The following DMD variants were observed in gnomAD, a reference collection of about 807,000 sequenced individuals.
DMD encodes the protein dystrophin.
Under a neutral mutation model 330.1 loss-of-function variants are expected in DMD, and 63 were observed. That is an observed-to-expected ratio of 0.19 (90% CI 0.16 to 0.24). DMD has a LOEUF of 0.24. DMD is among the 10% of genes least tolerant of loss of function. The pLI, the probability that DMD is intolerant of heterozygous loss-of-function variation, is 1.00. For synonymous variants in DMD, 1,223 were observed against 959.8 expected (o/e 1.27, Z -5.07); for missense variants, 3,344 against 2,684.1 (o/e 1.25, Z -5.43).
At chrX:31,235,426 C>T (rs1342339605) in intron 63 of DMD, among the ~76,000 whole-genome samples, 1 of 111,902 alleles carries the variant, frequency 8.9e-6, no homozygotes, top group Non-Finnish European at 1.9e-5. Flanking sequence ...TATAGTAATA[C>T]TGATAGAAAT....
intron 44 of DMD, among the ~76,000 whole-genome samples, chrX:32,022,576 G>T: frequency 8.9e-6 from 1 of 112,148 alleles, no homozygotes; most frequent in Non-Finnish European, 1.9e-5. Context: ...AGGTTATTGA[G>T]ACTTTGAAAT....
chrX:32,336,044 G>T (rs1489933398), intron 41 of DMD, among the ~76,000 whole-genome samples: 1 of 97,862 alleles, frequency 1.0e-5, no homozygotes, highest in East Asian at 3.2e-4. Flanking sequence ...TATATAACGT[G>T]TATATATAAC....
chrX:32,650,883 C>T (rs1193801823), intron 9 of DMD, among the ~76,000 whole-genome samples: 1 of 111,637 alleles, frequency 9.0e-6, no homozygotes, highest in African/African-American at 3.3e-5. Flanking sequence ...AGTCAATTTG[C>T]TAATCACTTA....
At chrX:31,478,481 C>T in intron 58 of DMD, 107 bp from the exon 59 acceptor site, 1 of 1,056,229 alleles carries the variant, frequency 9.5e-7, no homozygotes, top group Non-Finnish European at 1.3e-6. Flanking sequence ...AAGAGGGTAA[C>T]CTACTGATTA....
At chrX:32,855,983 T>C (rs904086129) in intron 2 of DMD, among the ~76,000 whole-genome samples, 3 of 111,468 alleles carry the variant, frequency 2.7e-5, no homozygotes, top group Non-Finnish European at 3.8e-5. Flanking sequence ...TATATAATCA[T>C]CTGATTGAAA....
At chrX:31,262,148 G>C (rs1164620142) in intron 62 of DMD, among the ~76,000 whole-genome samples, 4 of 112,399 alleles carry the variant, frequency 3.6e-5, no homozygotes, top group South Asian at 7.4e-4. Context: ...GCCTACCTTG[G>C]AGGGTTAAAG....
intron 13 of DMD, among the ~76,000 whole-genome samples, chrX:32,581,450 A>G (rs1238799604): frequency 1.8e-5 from 2 of 111,622 alleles, no homozygotes; most frequent in Non-Finnish European, 3.8e-5. Flanking sequence ...ATTTTTTTCA[A>G]TTTCAAACAA....
chrX:32,642,554 C>A (rs1439411186), intron 11 of DMD, among the ~76,000 whole-genome samples: 3 of 111,962 alleles, frequency 2.7e-5, no homozygotes, highest in Non-Finnish European at 5.6e-5. Flanking sequence ...CACTTAATGG[C>A]AGACATCCCT....
At chrX:31,565,679 C>T (rs532516107) in intron 55 of DMD, among the ~76,000 whole-genome samples, 16 of 111,795 alleles carry the variant, frequency 1.4e-4, no homozygotes, top group African/African-American at 4.5e-4. Flanking sequence ...TTTAGTTTTA[C>T]AGAAAATTGA....
chrX:31,290,146 C>A (rs1184845232), intron 62 of DMD, among the ~76,000 whole-genome samples: 1 of 109,887 alleles, frequency 9.1e-6, no homozygotes, highest in East Asian at 2.8e-4. Flanking sequence ...GTCTTGAACT[C>A]CTGGCATCAA....
intron 7 of DMD, among the ~76,000 whole-genome samples, chrX:32,774,628 C>T (rs970494341): frequency 1.8e-5 from 2 of 111,030 alleles, no homozygotes; most frequent in Non-Finnish European, 3.8e-5. Context: ...ACCATCAGAA[C>T]TTGTGAGAAC....
rs1431385904 is a variant in DMD, at chrX:32,644,984, C to T, written c.1129G>A (p.Asp377Asn). The change falls in exon 10 of 79, where the codon GAC becomes AAC. Residue 377 changes from aspartate (D) to asparagine (N), a missense_variant. Coordinates refer to ENST00000357033, the MANE Select transcript of DMD (RefSeq NM_004006.3). The part of the protein sequence containing the change: ...EISNDVEVVK[D>N]QFHTHEGYMM... The stretch of plus-strand genomic sequence containing the variant: ...TTTACCTCATGAGTATGAAACTGGT[C>T]TTTCACCACTTCCACATCATTAGAA... 12 of 1,211,400 alleles carry T rather than the reference C, an allele frequency of 9.9e-6. No individual in the cohort carries two copies. Among genetic ancestry groups the T allele is most frequent in the Non-Finnish European group, 1.2e-5 (11 of 895,370 alleles).
intron 55 of DMD, among the ~76,000 whole-genome samples, chrX:31,580,748 A>T (rs1174747167): frequency 8.9e-6 from 1 of 112,147 alleles, no homozygotes; most frequent in East Asian, 2.8e-4. Flanking sequence ...GTCTCAGCCT[A>T]AATGGTAGGC....
At chrX:31,959,155 C>T (rs781206261) in intron 45 of DMD, among the ~76,000 whole-genome samples, 6 of 111,672 alleles carry the variant, frequency 5.4e-5, no homozygotes, top group Non-Finnish European at 1.1e-4. Context: ...CTTGAGTCAC[C>T]CTGCCACTAG....
At chrX:33,337,530 T>TA (rs759825545) in intron 1 of DMD, among the ~76,000 whole-genome samples, 1 of 110,822 alleles carries the variant, frequency 9.0e-6, no homozygotes, top group African/African-American at 3.3e-5. Flanking sequence ...AACCACATTA[T>TA]AAAAAAAAAT....
At chrX:31,565,447 CT>C (rs2075416960) in intron 55 of DMD, among the ~76,000 whole-genome samples, 1 of 112,206 alleles carries the variant, frequency 8.9e-6, no homozygotes, top group South Asian at 3.7e-4. Flanking sequence ...GGAGATTGAT[CT>C]AAAAGTTGTT....
chrX:33,281,813 C>T (rs930986188), intron 1 of DMD, among the ~76,000 whole-genome samples: 4 of 106,724 alleles, frequency 3.7e-5, no homozygotes, highest in African/African-American at 6.9e-5. Flanking sequence ...GTTATTGAGG[C>T]CTGCTTGGTT....
At chrX:31,691,190 T>G (rs914000132) in intron 52 of DMD, among the ~76,000 whole-genome samples, 1 of 111,281 alleles carries the variant, frequency 9.0e-6, no homozygotes, top group African/African-American at 3.3e-5. Context: ...GTTGAGTATA[T>G]GCACACAATC....
chrX:31,398,909 A>AGG (rs1480160212), intron 60 of DMD, among the ~76,000 whole-genome samples: 1 of 111,757 alleles, frequency 8.9e-6, no homozygotes, highest in Non-Finnish European at 1.9e-5. Flanking sequence ...CCCTCATGGA[A>AGG]GGGGGAGCAC....
Sources: gnomAD v4.1 joint callset for allele counts (sites outside exome capture counted in the v4.1 genomes callset) on GRCh38, gnomAD v4.1.1 for gene constraint, MANE v1.5 for transcripts, NCBI Gene and HGNC (gene_info 2026-07-23, HGNC 2026-07-21) for gene names.